PCDHA1: variants seen among roughly 807,000 people sequenced by gnomAD.
PCDHA1 encodes the protein protocadherin alpha-1.
Under a neutral mutation model 61.3 loss-of-function variants are expected in PCDHA1, and 42 were observed. The observed-to-expected ratio is 0.69, with a 90% CI of 0.54 to 0.89. PCDHA1 has a LOEUF of 0.89. Ranked by LOEUF, PCDHA1 falls within the 40% of genes least tolerant of loss-of-function variation. PCDHA1 has a pLI of 0.00. For missense variants in PCDHA1, 1,256 were observed against 1,235.3 expected (o/e 1.02, Z -0.25); for synonymous variants, 610 against 553.8 (o/e 1.10, Z -1.43).
At chr5:140,883,331 T>C (rs782330597) in intron 1 of PCDHA1, 1 of 1,614,064 alleles carries the variant, frequency 6.2e-7, no homozygotes, top group East Asian at 2.2e-5. Flanking sequence ...CATCACTTCT[T>C]TGTCACTCCC....
intron 1 of PCDHA1, chr5:140,928,471 G>A: frequency 6.2e-7 from 1 of 1,614,148 alleles, no homozygotes; most frequent in South Asian, 1.1e-5. Context: ...CCAAGTAGAA[G>A]GCCGGGATGG....
At chr5:141,000,393 CTCTATATATA>C (rs1279908183) in intron 3 of PCDHA1, among the ~76,000 whole-genome samples, 25 of 52,852 alleles carry the variant, frequency 4.7e-4, no homozygotes, top group South Asian at 8.2e-4. Flanking sequence ...CTCTCTCTCT[CTCTATATATA>C]TATATATATA....
At chr5:140,946,237 A>C (rs540442862) in intron 1 of PCDHA1, among the ~76,000 whole-genome samples, 8 of 152,268 alleles carry the variant, frequency 5.3e-5, no homozygotes, top group African/African-American at 1.9e-4. Context: ...AAAAATGCTC[A>C]ACATCATGAA....
At chr5:140,962,224 A>C (rs2095665980) in intron 1 of PCDHA1, among the ~76,000 whole-genome samples, 1 of 152,152 alleles carries the variant, frequency 6.6e-6, no homozygotes. Flanking sequence ...TTGAGGTTCA[A>C]GTTTCACTTA....
At chr5:140,870,452 A>G in intron 1 of PCDHA1, 1 of 1,614,168 alleles carries the variant, frequency 6.2e-7, no homozygotes, top group Non-Finnish European at 8.5e-7. Context: ...GTGAACGACA[A>G]TGCGCCTGCG....
chr5:140,933,494 T>C (rs901456699), intron 1 of PCDHA1, among the ~76,000 whole-genome samples: 3 of 152,110 alleles, frequency 2.0e-5, no homozygotes, highest in Non-Finnish European at 4.4e-5. Context: ...TTCTTTAGAA[T>C]TGTTAAGCAA....
intron 1 of PCDHA1, chr5:140,868,839 C>T (rs1442886604): frequency 4.6e-6 from 2 of 432,190 alleles, no homozygotes; most frequent in East Asian, 3.8e-5. Flanking sequence ...ACCCAAAACA[C>T]GTGAAATTCT....
intron 1 of PCDHA1, chr5:140,824,250 T>G: frequency 4.3e-6 from 6 of 1,404,896 alleles, no homozygotes; most frequent in Non-Finnish European, 4.0e-6. Context: ...TGGTACACAA[T>G]TATTGCACTA....
intron 1 of PCDHA1, chr5:140,807,073 C>T: frequency 8.4e-7 from 1 of 1,196,448 alleles, no homozygotes. Flanking sequence ...GAACCATATA[C>T]ACTCTTTGGA....
At chr5:140,853,141 A>G in intron 1 of PCDHA1, 1 of 767,574 alleles carries the variant, frequency 1.3e-6, no homozygotes, top group Non-Finnish European at 1.6e-6. Flanking sequence ...AGCCTCCCAA[A>G]ATGCTGGGAT....
intron 3 of PCDHA1, among the ~76,000 whole-genome samples, chr5:141,001,247 A>G (rs547699044): frequency 1.3e-5 from 2 of 152,256 alleles, no homozygotes; most frequent in African/African-American, 2.4e-5. Flanking sequence ...AATCAACCCT[A>G]TGGGGCGGGC....
intron 1 of PCDHA1, chr5:140,807,749 CT>C (rs1764025212): frequency 6.2e-7 from 1 of 1,614,138 alleles, no homozygotes; most frequent in Non-Finnish European, 8.5e-7. Flanking sequence ...TGATGACGAG[CT>C]GGTAAAAGGT....
chr5:140,817,181 GA>G (rs1554127223), intron 1 of PCDHA1: 2 of 152,204 alleles, frequency 1.3e-5, no homozygotes, highest in Non-Finnish European at 2.9e-5. Context: ...CAGCTCCCCT[GA>G]AAAGTCAGAA....
intron 1 of PCDHA1, chr5:140,861,164 C>G (rs2046783856): frequency 6.4e-6 from 1 of 156,700 alleles, no homozygotes; most frequent in African/African-American, 2.4e-5. Flanking sequence ...CAAAAGGTCT[C>G]AGAGGAACTA....
chr5:140,811,831 A>G (rs1284132300), intron 1 of PCDHA1: 2 of 152,028 alleles, frequency 1.3e-5, no homozygotes, highest in African/African-American at 2.4e-5. Flanking sequence ...TCCTTTGCCC[A>G]CTTTTTGATA....
At position 140,880,491 on chromosome 5, in the gene PCDHA1, A is replaced by G. The variant is rs570569134; in HGVS notation, c.2394+91807A>G. Among the ~76,000 whole-genome samples, 6 of 152,342 alleles carry G rather than the reference A, an allele frequency of 3.9e-5. No individual in the cohort carries two copies. In the South Asian group the frequency reaches 1.2e-3, roughly 32 times the overall value. On this transcript the variant is annotated intron_variant, in intron 1 of 3. Transcript: ENST00000504120. Reference sequence around the variant, plus strand: ...AGGAAAAATGACACAAGAAGAGAGCAATTGAATTTCTGTTTGGTCACATCT... The same window carrying G: ...AGGAAAAATGACACAAGAAGAGAGCGATTGAATTTCTGTTTGGTCACATCT...
intron 1 of PCDHA1, chr5:140,795,045 GA>G: frequency 9.3e-6 from 15 of 1,613,876 alleles, no homozygotes; most frequent in Non-Finnish European, 1.3e-5. Flanking sequence ...GGGAGGTGGG[GA>G]GCGGCCAGCT....
chr5:140,805,345 TA>T, intron 1 of PCDHA1: 1 of 1,219,244 alleles, frequency 8.2e-7, no homozygotes, highest in Non-Finnish European at 1.0e-6. Context: ...GATCATTTTG[TA>T]AAAATATAGT....
rs543216216 is a variant in PCDHA1, at chr5:140,917,329, G to A, written c.2395-61620G>A. 1.4e-4 allele frequency among the ~76,000 whole-genome samples: 20 copies of A among 144,014 alleles called. 2 individuals are homozygous for A. In the South Asian group the frequency reaches 2.0e-3, roughly 14 times the overall value. The allele number at this position is 144,014 out of a possible 152,430, so 94.5% of individuals were successfully genotyped here. ...ACAATTTGGTGTTCATGTGGCGGGG[G>A]AGGGGGGGGATGGTGTAGGCTTCTG... is the stretch of plus-strand genomic sequence containing the variant. On this transcript the variant is annotated intron_variant, in intron 1 of 3. Coordinates refer to ENST00000504120, the MANE Select transcript of PCDHA1 (RefSeq NM_018900.4).
Sources: allele counts gnomAD v4.1 joint callset (sites outside exome capture counted in the v4.1 genomes callset), GRCh38; gene constraint gnomAD v4.1.1; transcripts MANE v1.5; gene names NCBI Gene and HGNC (gene_info 2026-07-23, HGNC 2026-07-21).